The following RBMS1 variants were observed in gnomAD, a reference collection of about 807,000 sequenced individuals.
RBMS1 encodes RNA-binding motif, single-stranded-interacting protein 1.
A neutral mutation model predicts 62.3 loss-of-function variants in RBMS1; 17 were observed. The ratio of observed to expected loss-of-function variants is 0.27; its 90% CI spans 0.19 to 0.41. RBMS1 has a LOEUF of 0.41. RBMS1 is among the 10% of genes least tolerant of loss of function. The pLI is 1.00. For missense variants in RBMS1, 334 were observed against 504.5 expected, an observed-to-expected ratio of 0.66 and a Z score of 3.24; for synonymous variants, 172 against 170.0, an observed-to-expected ratio of 1.01 and a Z score of -0.09.
chr2:160,391,870 C>T (rs1372902423), intron 1 of RBMS1, among the ~76,000 whole-genome samples: 11 of 151,726 alleles, frequency 7.2e-5, no homozygotes, highest in Non-Finnish European at 1.2e-4. Context: ...CTCAGCTACT[C>T]GGGAGGCTGA....
intron 1 of RBMS1, among the ~76,000 whole-genome samples, chr2:160,428,534 T>A (rs1194572799): frequency 6.6e-6 from 1 of 152,066 alleles, no homozygotes; most frequent in African/African-American, 2.4e-5. Flanking sequence ...AAAAACTCTA[T>A]GGATTCTTAC....
At chr2:160,318,254 G>GAA in intron 2 of RBMS1, 27 bp from the exon 3 acceptor site, 2 of 1,256,782 alleles carry the variant, frequency 1.6e-6, no homozygotes, top group Admixed American at 3.0e-5. Context: ...AAAAAAAAAG[G>GAA]AAAAAAAGAA....
rs147676648 is a variant in RBMS1, at chr2:160,351,016, G to A, written c.251+16200C>T. Among the ~76,000 whole-genome samples the A allele has an allele frequency of 1.5e-3, 230 of 152,176 alleles. 2 individuals are homozygous for A. Among genetic ancestry groups the A allele is most frequent in the African/African-American group, 5.2e-3 (214 of 41,526 alleles). On this transcript the variant is annotated intron_variant, in intron 2 of 13. Coordinates refer to ENST00000348849, the MANE Select transcript of RBMS1 (RefSeq NM_016836.4). ...TCGCCATAAAAAAGGATAAGTTCATGTCCTTTGTAGGGACATGGATGAAGC... is the reference window on the plus strand; with the variant it reads ...TCGCCATAAAAAAGGATAAGTTCATATCCTTTGTAGGGACATGGATGAAGC...
chr2:160,417,756 G>A (rs1559527716), intron 1 of RBMS1, among the ~76,000 whole-genome samples: 2 of 152,140 alleles, frequency 1.3e-5, no homozygotes, highest in African/African-American at 2.4e-5. Flanking sequence ...GCATGCAAAT[G>A]CATATCCATG....
intron 5 of RBMS1, among the ~76,000 whole-genome samples, chr2:160,301,015 G>A (rs1213150892): frequency 1.3e-5 from 2 of 152,148 alleles, no homozygotes; most frequent in Admixed American, 6.5e-5. Context: ...TGTAATTGTT[G>A]TAAAATTGAA....
intron 2 of RBMS1, among the ~76,000 whole-genome samples, chr2:160,362,023 G>A (rs1693159219): frequency 6.6e-6 from 1 of 152,142 alleles, no homozygotes; most frequent in South Asian, 2.1e-4. Flanking sequence ...CTGCATCAAT[G>A]GACTCTTCCT....
intron 1 of RBMS1, among the ~76,000 whole-genome samples, chr2:160,437,174 G>C (rs564951326): frequency 4.6e-4 from 70 of 152,232 alleles, no homozygotes; most frequent in African/African-American, 1.6e-3. Flanking sequence ...CCCAAAGGCC[G>C]CCATCCCAGA....
intron 4 of RBMS1, among the ~76,000 whole-genome samples, chr2:160,304,819 T>G (rs1689411870): frequency 6.6e-6 from 1 of 152,166 alleles, no homozygotes; most frequent in Admixed American, 6.5e-5. Context: ...GTTTATAAAG[T>G]AAAAAAGTTA....
intron 1 of RBMS1, among the ~76,000 whole-genome samples, chr2:160,375,108 T>G (rs1031742094): frequency 1.3e-5 from 2 of 152,128 alleles, no homozygotes; most frequent in African/African-American, 2.4e-5. Context: ...CAAAATACTC[T>G]AAAATTCTGG....
chr2:160,375,023 T>C (rs1045959433), intron 1 of RBMS1, among the ~76,000 whole-genome samples: 1 of 152,078 alleles, frequency 6.6e-6, no homozygotes, highest in Non-Finnish European at 1.5e-5. Context: ...ATGAGTATTA[T>C]CCCTGGAAGG....
At chr2:160,438,701 T>A (rs1175571013) in intron 1 of RBMS1, among the ~76,000 whole-genome samples, 1 of 152,204 alleles carries the variant, frequency 6.6e-6, no homozygotes, top group Non-Finnish European at 1.5e-5. Flanking sequence ...CTCAGTCTTT[T>A]CCCCACCTTT....
At position 160,329,505 on chromosome 2, in the gene RBMS1, C is replaced by T. The variant is rs75334414; in HGVS notation, c.252-11278G>A. On this transcript the variant is annotated intron_variant, in intron 2 of 13. Transcript: ENST00000348849. The stretch of plus-strand genomic sequence containing the variant: ...TGCAGATAAAGATGAGCAATCATTG[C>T]GGAGGTAGGATAGTACGGCTCCAAA... Among the ~76,000 whole-genome samples, 870 of 152,148 alleles carry T rather than the reference C, an allele frequency of 5.7e-3. 11 individuals carry two copies. The highest frequency in any genetic ancestry group is 0.02 in the African/African-American group (828 of 41,488).
rs1687708188 is a variant in RBMS1 at position 160,274,196 on chromosome 2, C to T, written c.*576G>A. On this transcript the variant is annotated 3_prime_UTR_variant, in exon 14 of 14. Transcript: ENST00000348849. ...GGAATTCATAGAAAAGGATAAGACA[C>T]TTCACACTACGTTGAAAGAAAGACA... 2 of 152,606 alleles carry T rather than the reference C, an allele frequency of 1.3e-5. No homozygotes were observed. Among genetic ancestry groups the T allele is most frequent in the Non-Finnish European group, 2.9e-5 (2 of 68,038 alleles). 9.5% of individuals were successfully genotyped at this position (152,606 alleles called of 1,614,324 possible).
intron 1 of RBMS1, among the ~76,000 whole-genome samples, chr2:160,445,647 A>G (rs912823294): frequency 6.6e-6 from 1 of 152,258 alleles, no homozygotes; most frequent in Non-Finnish European, 1.5e-5. Context: ...GAAGGCCTTC[A>G]GAGTAGCCAC....
intron 1 of RBMS1, among the ~76,000 whole-genome samples, chr2:160,400,294 C>T (rs896480070): frequency 4.7e-5 from 7 of 149,042 alleles, no homozygotes; most frequent in African/African-American, 1.5e-4. Context: ...ACATGTATCT[C>T]GGAACTGGAA....
chr2:160,393,664 C>T (rs956354726), intron 1 of RBMS1, among the ~76,000 whole-genome samples: 12 of 151,914 alleles, frequency 7.9e-5, no homozygotes, highest in South Asian at 4.2e-4. Flanking sequence ...GTAATCCCAG[C>T]TACTCGGGAG....
chr2:160,443,545 G>A (rs1033347415), intron 1 of RBMS1, among the ~76,000 whole-genome samples: 1 of 151,914 alleles, frequency 6.6e-6, no homozygotes, highest in Non-Finnish European at 1.5e-5. Context: ...ATTTAAAAGT[G>A]TGTGGCACCT....
intron 2 of RBMS1, 146 bp from the exon 3 acceptor site, chr2:160,318,373 G>C: frequency 8.0e-7 from 1 of 1,243,416 alleles, no homozygotes; most frequent in Non-Finnish European, 1.1e-6. Context: ...TCTTTACTAA[G>C]AGACAGGAAA....
At chr2:160,379,490 T>C (rs940846155) in intron 1 of RBMS1, among the ~76,000 whole-genome samples, 2 of 152,228 alleles carry the variant, frequency 1.3e-5, no homozygotes, top group African/African-American at 2.4e-5. Context: ...TGGGAATACA[T>C]AGGTGCCCTG....
Sources: gnomAD v4.1 joint callset for allele counts (sites outside exome capture counted in the v4.1 genomes callset) on GRCh38, gnomAD v4.1.1 for gene constraint, MANE v1.5 for transcripts, NCBI Gene and HGNC (gene_info 2026-07-23, HGNC 2026-07-21) for gene names.